The following SEL1L3 variants were observed in gnomAD, a reference collection of about 807,000 sequenced individuals.
The protein encoded by SEL1L3 is SEL1L family member 3.
In SEL1L3, 76 loss-of-function variants were observed where a neutral mutation model predicts 142.8. The ratio of observed to expected loss-of-function variants is 0.53; its 90% confidence interval spans 0.44 to 0.64. The LOEUF is 0.64. Among genes scored for constraint, SEL1L3 ranks in the 30% least tolerant of loss-of-function variants. The probability of loss-of-function intolerance (pLI) is 0.00; values close to 1 mark genes in which losing one functional copy is unlikely to be tolerated. For synonymous variants in SEL1L3, 504 were observed against 519.6 expected (o/e 0.97, Z 0.41); for missense variants, 1,262 against 1,381.7 (o/e 0.91, Z 1.37).
the SEL1L3 span, among the ~76,000 whole-genome samples, chr4:25,735,142 G>A: frequency 6.6e-6 from 1 of 152,104 alleles, no homozygotes; most frequent in African/African-American, 2.4e-5. Flanking sequence ...TTTAGGAAAA[G>A]ATTTTCATAG....
chr4:25,838,313 T>G (rs1715961519), intron 2 of SEL1L3, among the ~76,000 whole-genome samples: 1 of 152,172 alleles, frequency 6.6e-6, no homozygotes, highest in Non-Finnish European at 1.5e-5. Flanking sequence ...GGAAAACAGT[T>G]GATGTTAGGA....
Position 25,862,714 on chromosome 4 carries a change from G to A in SEL1L3, c.123C>T (p.Gly41=). 3.1e-6 allele frequency: 4 copies of A among 1,297,238 alleles called. No homozygotes were observed. The highest frequency in any genetic ancestry group is 2.2e-5 in the South Asian group (1 of 44,604). The allele number at this position is 1,297,238 out of a possible 1,614,324, so 80.4% of individuals were successfully genotyped here. A position where few individuals can be genotyped will look rare whatever the true frequency, so the allele number is the denominator to read the frequency against. ...GGAGCAGCGCGCAGGCAGAGCGGCC[G>A]CCGAGGCCCTGGGGGACGCCGCCAC... ...VPSGGVPQGL[G]GRSACALLLL... is the part of the protein sequence containing the mutation. Residue 41 remains glycine (G), a synonymous_variant, in exon 1 of 24, where the codon GGC becomes GGT. Transcript: ENST00000399878.
At chr4:25,739,600 C>T in the SEL1L3 span, among the ~76,000 whole-genome samples, 27 of 151,708 alleles carry the variant, frequency 1.8e-4, no homozygotes, top group East Asian at 2.7e-3. Flanking sequence ...AGCAGCTACT[C>T]GGGAGCTGAG....
chr4:25,732,038 C>A, the SEL1L3 span, among the ~76,000 whole-genome samples: 1 of 152,066 alleles, frequency 6.6e-6, no homozygotes, highest in African/African-American at 2.4e-5. Context: ...CACAGCACTG[C>A]ACTCCAGCCT....
intron 23 of SEL1L3, chr4:25,756,839 A>G: frequency 7.8e-7 from 1 of 1,274,028 alleles, no homozygotes; most frequent in Non-Finnish European, 1.0e-6. Flanking sequence ...TGCTTGACTG[A>G]AATGAAAGGG....
At chr4:25,732,935 G>A in the SEL1L3 span, among the ~76,000 whole-genome samples, 1 of 152,074 alleles carries the variant, frequency 6.6e-6, no homozygotes, top group African/African-American at 2.4e-5. Context: ...CAGTAGAGAT[G>A]GGGTTTCACC....
intron 23 of SEL1L3, among the ~76,000 whole-genome samples, chr4:25,755,067 A>G (rs992379637): frequency 5.3e-5 from 8 of 151,964 alleles, no homozygotes; most frequent in Non-Finnish European, 8.8e-5. Flanking sequence ...CCCTACATCT[A>G]TTCTTAATCT....
intron 20 of SEL1L3, among the ~76,000 whole-genome samples, chr4:25,762,799 G>A (rs1718460222): frequency 6.6e-6 from 1 of 152,112 alleles, no homozygotes; most frequent in African/African-American, 2.4e-5. Context: ...CCAACATGGT[G>A]AAACCCCGTT....
chr4:25,735,670 C>T, the SEL1L3 span, among the ~76,000 whole-genome samples: 3 of 151,374 alleles, frequency 2.0e-5, no homozygotes, highest in Admixed American at 6.6e-5. Context: ...ATCCTACAAA[C>T]GTTGATGTTG....
chr4:25,857,575 G>T (rs1023989389), intron 1 of SEL1L3, among the ~76,000 whole-genome samples: 1 of 152,194 alleles, frequency 6.6e-6, no homozygotes, highest in Admixed American at 6.5e-5. Context: ...CACAGAGGGA[G>T]ACAGCATCCC....
chr4:25,741,099 GCTTT>G, the SEL1L3 span, among the ~76,000 whole-genome samples: 22 of 141,050 alleles, frequency 1.6e-4, no homozygotes, highest in African/African-American at 1.9e-4. Flanking sequence ...TACCTATATT[GCTTT>G]CTTTCTTTTT....
At chr4:25,779,037 T>A in intron 16 of SEL1L3, 39 bp downstream of exon 16, 1 of 1,607,448 alleles carries the variant, frequency 6.2e-7, no homozygotes, top group Non-Finnish European at 8.5e-7. Flanking sequence ...ATATAGGATA[T>A]GGCTTTCCCT....
chr4:25,833,152 TCTA>T (rs774893969), intron 4 of SEL1L3, 42 bp from the exon 5 acceptor site: 3 of 1,117,302 alleles, frequency 2.7e-6, no homozygotes, highest in East Asian at 4.7e-5. Flanking sequence ...GCAAAAAATA[TCTA>T]CGAGTGAATG....
intron 5 of SEL1L3, 21 bp from the exon 6 acceptor site, chr4:25,830,177 A>C (rs777577359): frequency 1.3e-6 from 2 of 1,535,670 alleles, no homozygotes; most frequent in Admixed American, 3.4e-5. Flanking sequence ...AGGGATACAC[A>C]AGAATCAGTT....
chr4:25,794,129 T>C (rs1712545801), intron 11 of SEL1L3, among the ~76,000 whole-genome samples: 2 of 152,146 alleles, frequency 1.3e-5, no homozygotes, highest in Admixed American at 6.5e-5. Flanking sequence ...AGATTTCATG[T>C]GAAAATGTCA....
intron 16 of SEL1L3, chr4:25,777,719 T>C (rs1719729099): frequency 4.8e-6 from 2 of 418,364 alleles, no homozygotes; most frequent in Admixed American, 2.9e-5. Flanking sequence ...TGAATATTCA[T>C]GTCAAATATA....
the SEL1L3 span, among the ~76,000 whole-genome samples, chr4:25,741,097 T>C: frequency 6.7e-6 from 1 of 150,144 alleles, no homozygotes; most frequent in South Asian, 2.1e-4. Context: ...ATTACCTATA[T>C]TGCTTTCTTT....
chr4:25,824,793 T>A (rs1333654055), intron 6 of SEL1L3, among the ~76,000 whole-genome samples: 1 of 152,082 alleles, frequency 6.6e-6, no homozygotes, highest in East Asian at 1.9e-4. Flanking sequence ...AAAACATGAG[T>A]GGGGAAGAAA....
the SEL1L3 span, among the ~76,000 whole-genome samples, chr4:25,732,546 G>C: frequency 2.0e-5 from 3 of 152,112 alleles, no homozygotes; most frequent in Non-Finnish European, 4.4e-5. Context: ...ATATGTAGTG[G>C]TATCTCAATG....
Sources: allele counts gnomAD v4.1 joint callset (sites outside exome capture counted in the v4.1 genomes callset), GRCh38; gene constraint gnomAD v4.1.1; transcripts MANE v1.5; gene names NCBI Gene and HGNC (gene_info 2026-07-23, HGNC 2026-07-21).